SCFD2: variants seen among roughly 807,000 people sequenced by gnomAD.
SCFD2 encodes the protein sec1 family domain-containing protein 2.
SCFD2 carries 54 observed loss-of-function variants against 58.9 expected under a neutral mutation model. That is an observed-to-expected ratio of 0.92 (90% CI 0.74 to 1.15). SCFD2 has a LOEUF of 1.15. SCFD2 is among the 50% of genes most tolerant of loss of function. SCFD2 has a pLI of 0.00. For synonymous variants in SCFD2, 321 were observed against 335.9 expected, an observed-to-expected ratio of 0.96 and a Z score of 0.49; for missense variants, 805 against 836.6, an observed-to-expected ratio of 0.96 and a Z score of 0.47.
intron 5 of SCFD2, among the ~76,000 whole-genome samples, chr4:53,052,062 A>T (rs1723202850): frequency 6.6e-6 from 1 of 152,172 alleles, no homozygotes; most frequent in Admixed American, 6.5e-5. Context: ...AAAATGCAAA[A>T]ATATGACATT....
At chr4:52,896,873 A>T (rs28786135) in intron 7 of SCFD2, among the ~76,000 whole-genome samples, 12,417 of 152,206 alleles carry the variant, frequency 0.082, 833 homozygotes, top group African/African-American at 0.17. Flanking sequence ...AAGAGGTCCT[A>T]AACGTCCCTT....
intron 4 of SCFD2, among the ~76,000 whole-genome samples, chr4:53,266,795 GA>G (rs774415409): frequency 9.2e-5 from 14 of 152,190 alleles, no homozygotes; most frequent in Non-Finnish European, 1.8e-4. Flanking sequence ...GGACCTTGGA[GA>G]TAAGAGAGAG....
intron 5 of SCFD2, among the ~76,000 whole-genome samples, chr4:52,961,955 T>C (rs1720861772): frequency 6.6e-6 from 1 of 152,168 alleles, no homozygotes; most frequent in Non-Finnish European, 1.5e-5. Flanking sequence ...TGGAATGACA[T>C]TGTGAAAGAA....
intron 2 of SCFD2, among the ~76,000 whole-genome samples, chr4:53,319,852 C>A (rs767584255): frequency 6.6e-6 from 1 of 152,262 alleles, no homozygotes; most frequent in East Asian, 1.9e-4. Context: ...ATTTTTAACA[C>A]TGATAAAATT....
At chr4:53,060,843 C>T (rs898293740) in intron 5 of SCFD2, among the ~76,000 whole-genome samples, 6 of 152,070 alleles carry the variant, frequency 3.9e-5, no homozygotes, top group Admixed American at 1.3e-4. Flanking sequence ...TCCATATCAA[C>T]AAAAGCTTTG....
intron 7 of SCFD2, among the ~76,000 whole-genome samples, chr4:52,897,236 G>A (rs1326035883): frequency 1.3e-5 from 2 of 152,178 alleles, no homozygotes. Context: ...TCTTGTGCCA[G>A]TTTTCAAAGG....
intron 5 of SCFD2, among the ~76,000 whole-genome samples, chr4:53,068,096 C>T (rs1723714314): frequency 6.6e-6 from 1 of 152,038 alleles, no homozygotes; most frequent in Non-Finnish European, 1.5e-5. Context: ...TGTTAACTGA[C>T]ATCACCTGTG....
intron 5 of SCFD2, among the ~76,000 whole-genome samples, chr4:53,077,684 C>T (rs868186146): frequency 1.1e-4 from 17 of 152,212 alleles, no homozygotes; most frequent in African/African-American, 3.9e-4. Flanking sequence ...GTGATCCACC[C>T]GTCTTGGCCC....
intron 4 of SCFD2, among the ~76,000 whole-genome samples, chr4:53,163,357 T>G (rs1356360159): frequency 6.6e-6 from 1 of 152,184 alleles, no homozygotes; most frequent in Non-Finnish European, 1.5e-5. Flanking sequence ...CAGAACTCAC[T>G]GGCTTCTTCC....
intron 5 of SCFD2, among the ~76,000 whole-genome samples, chr4:53,069,191 G>C (rs1012256901): frequency 7.2e-5 from 11 of 152,144 alleles, no homozygotes; most frequent in Middle Eastern, 3.4e-3. Flanking sequence ...AAAATAGCTG[G>C]TTTATTCTTG....
intron 4 of SCFD2, among the ~76,000 whole-genome samples, chr4:53,265,054 T>C (rs1204249931): frequency 6.6e-6 from 1 of 152,194 alleles, no homozygotes; most frequent in Non-Finnish European, 1.5e-5. Context: ...ATTTATAAAG[T>C]ATATGTTTAG....
chr4:52,971,851 G>C (rs1049717589), intron 5 of SCFD2, among the ~76,000 whole-genome samples: 2 of 152,152 alleles, frequency 1.3e-5, no homozygotes, highest in African/African-American at 2.4e-5. Flanking sequence ...AAGAGAGTGG[G>C]GGCCAATATT....
chr4:53,322,067 T>G (rs1175841172), intron 2 of SCFD2, among the ~76,000 whole-genome samples: 1 of 152,148 alleles, frequency 6.6e-6, no homozygotes, highest in Admixed American at 6.5e-5. Context: ...TCAGAGGCGT[T>G]TGAACCAGAG....
At chr4:53,346,316 C>A (rs1274783148) in intron 2 of SCFD2, among the ~76,000 whole-genome samples, 6 of 149,284 alleles carry the variant, frequency 4.0e-5, no homozygotes, top group Non-Finnish European at 8.9e-5. Flanking sequence ...CTCTTGTTGC[C>A]CAGGATGGAG....
intron 4 of SCFD2, among the ~76,000 whole-genome samples, chr4:53,174,097 C>G (rs1349620944): frequency 6.6e-6 from 1 of 151,786 alleles, no homozygotes; most frequent in Non-Finnish European, 1.5e-5. Context: ...ATACTGACTT[C>G]AAATACTAAG....
chr4:53,021,039 T>TA, intron 5 of SCFD2, among the ~76,000 whole-genome samples: 1 of 152,198 alleles, frequency 6.6e-6, no homozygotes, highest in East Asian at 1.9e-4. Flanking sequence ...TTAAAAGTGT[T>TA]ACATTCTTTT....
chr4:53,136,526 T>A (rs1400939923), intron 5 of SCFD2, among the ~76,000 whole-genome samples: 2 of 152,180 alleles, frequency 1.3e-5, no homozygotes, highest in African/African-American at 4.8e-5. Context: ...GAAAACACAA[T>A]GAAAACTAAC....
intron 4 of SCFD2, among the ~76,000 whole-genome samples, chr4:53,217,943 TTTTC>T (rs1288707558): frequency 2.6e-5 from 4 of 152,218 alleles, no homozygotes; most frequent in Non-Finnish European, 4.4e-5. Flanking sequence ...TTGAAAATCA[TTTTC>T]TTTAACAATG....
At chr4:52,978,193 G>T (rs1172047234) in intron 5 of SCFD2, among the ~76,000 whole-genome samples, 1 of 152,164 alleles carries the variant, frequency 6.6e-6, no homozygotes, top group Non-Finnish European at 1.5e-5. Context: ...AAGTGAGGAA[G>T]ATACAGAATC....
Sources: allele counts gnomAD v4.1 joint callset (sites outside exome capture counted in the v4.1 genomes callset), GRCh38; gene constraint gnomAD v4.1.1; transcripts MANE v1.5; gene names NCBI Gene and HGNC (gene_info 2026-07-23, HGNC 2026-07-21).